Variants in MTA3 observed in about 807,000 individuals in gnomAD.
MTA3 encodes the protein metastasis associated 1 family member 3, also known as metastasis-associated protein MTA3.
A neutral mutation model predicts 83.5 loss-of-function variants in MTA3; 34 were observed. The observed-to-expected ratio is 0.41, with a 90% CI of 0.31 to 0.54. MTA3 has a LOEUF of 0.54. Ranked by LOEUF, MTA3 falls within the 20% of genes least tolerant of loss-of-function variation. MTA3 has a pLI of 0.33. For synonymous variants in MTA3, 303 were observed against 252.7 expected (o/e 1.20, Z -1.89); for missense variants, 761 against 726.4 (o/e 1.05, Z -0.55).
At chr2:42,639,722 G>A (rs1452861325) in intron 4 of MTA3, among the ~76,000 whole-genome samples, 1 of 152,146 alleles carries the variant, frequency 6.6e-6, no homozygotes, top group Non-Finnish European at 1.5e-5. Flanking sequence ...GTTCTTAAAT[G>A]TAGTTAGTGG....
chr2:42,694,375 G>A (rs372882590), intron 9 of MTA3, among the ~76,000 whole-genome samples: 3 of 152,138 alleles, frequency 2.0e-5, no homozygotes, highest in South Asian at 2.1e-4. Context: ...CTAAGTTTAC[G>A]TAGGTCCTCA....
chr2:42,589,447 A>G (rs912634348), intron 3 of MTA3, among the ~76,000 whole-genome samples: 6 of 152,202 alleles, frequency 3.9e-5, no homozygotes, highest in African/African-American at 1.4e-4. Flanking sequence ...TCCCTGACAA[A>G]CCAGGCAGCT....
At chr2:42,665,885 A>C (rs1168441411) in intron 8 of MTA3, among the ~76,000 whole-genome samples, 1 of 152,194 alleles carries the variant, frequency 6.6e-6, no homozygotes, top group Non-Finnish European at 1.5e-5. Flanking sequence ...GCCTAATGCC[A>C]GGTCTGGTTC....
chr2:42,573,502 A>C (rs1346702367), intron 2 of MTA3, among the ~76,000 whole-genome samples: 1 of 152,002 alleles, frequency 6.6e-6, no homozygotes, highest in Non-Finnish European at 1.5e-5. Context: ...ATGTACCACC[A>C]TACCTGGCTA....
At chr2:42,537,741 C>G (rs1676314165) in intron 2 of MTA3, among the ~76,000 whole-genome samples, 1 of 152,034 alleles carries the variant, frequency 6.6e-6, no homozygotes, top group South Asian at 2.1e-4. Context: ...GGACATTATT[C>G]AGGAAATTGG....
intron 16 of MTA3, among the ~76,000 whole-genome samples, chr2:42,746,309 T>A (rs1402180300): frequency 2.0e-5 from 3 of 152,146 alleles, no homozygotes; most frequent in African/African-American, 7.2e-5. Context: ...GAGCACAGAT[T>A]TTAAAAGCCC....
chr2:42,755,024 G>A lies in MTA3; in HGVS notation c.*1625G>A. 1 of 985,484 alleles carries A rather than the reference G, an allele frequency of 1.0e-6. No homozygotes were observed. The highest frequency in any genetic ancestry group is 1.2e-6 in the Non-Finnish European group (1 of 829,998). The allele number at this position is 985,484 out of a possible 1,614,324, so 61.0% of individuals were successfully genotyped here. A position where few individuals can be genotyped will look rare whatever the true frequency, so the allele number is the denominator to read the frequency against. ...TGGGTCTTGGCTTGGGGCGCTGAGG[G>A]TGGGGCCTGTGTCAGAAGCATTTGG... On this transcript the variant is annotated 3_prime_UTR_variant, in exon 17 of 17. Coordinates refer to ENST00000405094, the MANE Select transcript of MTA3 (RefSeq NM_001330442.2).
chr2:42,728,131 C>T (rs1163776776), intron 16 of MTA3, among the ~76,000 whole-genome samples: 1 of 152,118 alleles, frequency 6.6e-6, no homozygotes, highest in African/African-American at 2.4e-5. Flanking sequence ...CACCATTCTA[C>T]TCTCTATCTC....
At chr2:42,704,057 C>T in intron 11 of MTA3, 137 bp from the exon 12 acceptor site, 3 of 1,008,918 alleles carry the variant, frequency 3.0e-6, no homozygotes, top group Non-Finnish European at 2.8e-6. Flanking sequence ...CTTGGTTTTA[C>T]CAGTTTATTT....
chr2:42,653,378 T>C (rs1217476095), intron 6 of MTA3, among the ~76,000 whole-genome samples: 1 of 152,214 alleles, frequency 6.6e-6, no homozygotes, highest in Non-Finnish European at 1.5e-5. Flanking sequence ...CATTCCTTTG[T>C]TACCAGGGCC....
At chr2:42,727,449 C>T (rs906499668) in intron 16 of MTA3, among the ~76,000 whole-genome samples, 2 of 152,158 alleles carry the variant, frequency 1.3e-5, no homozygotes, top group Non-Finnish European at 1.5e-5. Context: ...CAGGTATCAC[C>T]TACTATGTTT....
At chr2:42,583,844 T>G (rs1210118869) in intron 3 of MTA3, among the ~76,000 whole-genome samples, 2 of 146,824 alleles carry the variant, frequency 1.4e-5, no homozygotes, top group Non-Finnish European at 1.5e-5. Context: ...ATGGACTCTT[T>G]TTTTGTTTTG....
At chr2:42,496,432 AT>A (rs1481133737) in intron 2 of MTA3, among the ~76,000 whole-genome samples, 1 of 152,166 alleles carries the variant, frequency 6.6e-6, no homozygotes, top group Non-Finnish European at 1.5e-5. Flanking sequence ...CTTAAAGCCA[AT>A]TCTATTCTTT....
In MTA3 at chr2:42,640,153, C is replaced by CT; in HGVS notation, c.318-13dup. ...TGAGGTGGCCTTTGTTACATTTATTCTTTTTTTCTTTTTCAACAGGGGAAA... is the reference window on the plus strand; with the variant it reads ...TGAGGTGGCCTTTGTTACATTTATTCTTTTTTTTCTTTTTCAACAGGGGAAA... On this transcript the variant is annotated intron_variant, in intron 4 of 16. Transcript: ENST00000405094. 1.3e-6 allele frequency: 2 copies of CT among 1,578,432 alleles called. No individual in the cohort carries two copies. Among genetic ancestry groups the CT allele is most frequent in the Non-Finnish European group, 8.6e-7 (1 of 1,160,930 alleles).
intron 3 of MTA3, among the ~76,000 whole-genome samples, chr2:42,609,030 TA>T (rs1244003747): frequency 1.7e-5 from 2 of 116,654 alleles, no homozygotes; most frequent in Non-Finnish European, 3.3e-5. Flanking sequence ...GATAAATGTT[TA>T]ATTTTTTTTT....
intron 14 of MTA3, among the ~76,000 whole-genome samples, chr2:42,713,235 A>G (rs1323434752): frequency 1.3e-5 from 2 of 152,186 alleles, no homozygotes; most frequent in African/African-American, 4.8e-5. Context: ...GTTATTTGGG[A>G]GGAACCTGAA....
intron 2 of MTA3, among the ~76,000 whole-genome samples, chr2:42,519,707 C>T (rs916861151): frequency 5.9e-5 from 9 of 151,984 alleles, no homozygotes; most frequent in African/African-American, 2.2e-4. Flanking sequence ...TTGAGACCAG[C>T]CTGGGCAACA....
At chr2:42,558,713 A>G (rs74483973) in intron 2 of MTA3, among the ~76,000 whole-genome samples, 2 of 139,966 alleles carry the variant, frequency 1.4e-5, no homozygotes, top group Non-Finnish European at 3.1e-5. Context: ...ACGCCCCGCT[A>G]TTTTTTTTTT....
intron 11 of MTA3, among the ~76,000 whole-genome samples, chr2:42,700,977 A>AG (rs1330933583): frequency 6.6e-6 from 1 of 152,170 alleles, no homozygotes; most frequent in African/African-American, 2.4e-5. Context: ...AAATGCCTGT[A>AG]GGCCCAGTTA....
Sources: allele counts gnomAD v4.1 joint callset (sites outside exome capture counted in the v4.1 genomes callset), GRCh38; gene constraint gnomAD v4.1.1; transcripts MANE v1.5; gene names NCBI Gene and HGNC (gene_info 2026-07-23, HGNC 2026-07-21).